The following CLDN14 variants were observed in gnomAD, a reference collection of about 807,000 sequenced individuals.
The protein encoded by CLDN14 is claudin-14.
CLDN14 carries 2 observed loss-of-function variants against 2.1 expected under a neutral mutation model. The observed-to-expected ratio is 0.96, with a 90% confidence interval of 0.39 to 3.01. CLDN14 has a LOEUF of 3.01. Ranked by LOEUF, CLDN14 falls within the 30% of genes most tolerant of loss-of-function variation. The pLI is 0.09. For synonymous variants in CLDN14, 136 were observed against 154.4 expected, an observed-to-expected ratio of 0.88 and a Z score of 0.88; for missense variants, 298 against 328.0, an observed-to-expected ratio of 0.91 and a Z score of 0.71.
intron 1 of CLDN14, among the ~76,000 whole-genome samples, chr21:36,573,989 T>G (rs2087725959): frequency 6.6e-6 from 1 of 152,202 alleles, no homozygotes; most frequent in Admixed American, 6.5e-5. Flanking sequence ...CTTAAACTTA[T>G]TCATTGGTTC....
chr21:36,524,146 A>C (rs796076942), intron 1 of CLDN14, among the ~76,000 whole-genome samples: 13 of 150,776 alleles, frequency 8.6e-5, no homozygotes, highest in African/African-American at 3.2e-4. Context: ...ACGGGGTCTC[A>C]CTTGCTCTGT....
In CLDN14 at chr21:36,544,668, C is replaced by T. The variant is rs1419285975; in HGVS notation, c.-220+31743G>A. ...AATATGCCGTGGACTTTGAAATGAA[C>T]TCTTTACACCTCCTTCCTGCTGACC... On this transcript the variant is annotated intron_variant, in intron 1 of 2. Transcript: ENST00000342108. This position sits in a 1 kb window ranked among gnomAD's most constrained non-coding sequence, Gnocchi z 4.1. Among the ~76,000 whole-genome samples, 1 of 152,180 alleles carries T rather than the reference C, an allele frequency of 6.6e-6. No homozygotes were observed. Among genetic ancestry groups the T allele is most frequent in the Non-Finnish European group, 1.5e-5 (1 of 68,032 alleles).
rs559951029 is a variant in CLDN14 at position 36,573,856 on chromosome 21, A to T, written c.-220+2555T>A. On this transcript the variant is annotated intron_variant, in intron 1 of 2. Transcript: ENST00000342108. ...TCAAATACCTAGGGATAAATCTAAT[A>T]AAATATGTATAAGACATCTACATAA... Among the ~76,000 whole-genome samples, 3 of 152,302 alleles carry T rather than the reference A, an allele frequency of 2.0e-5. No individual in the cohort carries two copies. The East Asian group carries it at 5.8e-4, about 29-fold the overall frequency.
rs778183602 is a variant in CLDN14 at position 36,486,302 on chromosome 21, T to A, written c.-82+24061A>T. 5 of 803,940 alleles carry A rather than the reference T, an allele frequency of 6.2e-6. No homozygotes were observed. In the Admixed American group the frequency reaches 7.3e-5, roughly 12 times the overall value. 49.8% of individuals were successfully genotyped at this position (803,940 alleles called of 1,614,324 possible). A position where few individuals can be genotyped will look rare whatever the true frequency, so the allele number is the denominator to read the frequency against. Reference sequence around the variant, plus strand: ...GAAGTCCGGTATGGCCAAACTCTTGTTGGCTAATGGTCATCTTCAGCAGGA... The same window carrying A: ...GAAGTCCGGTATGGCCAAACTCTTGATGGCTAATGGTCATCTTCAGCAGGA... On this transcript the variant is annotated intron_variant, in intron 2 of 2. Transcript: ENST00000342108.
upstream of CLDN14, chr21:36,480,738 C>T (rs219741): frequency 0.33 from 50,117 of 151,908 alleles, 10,045 homozygotes; most frequent in African/African-American, 0.57. Flanking sequence ...CAAGAATTTC[C>T]GCCCCTTCGT....
intron 1 of CLDN14, among the ~76,000 whole-genome samples, chr21:36,472,323 G>C (rs2086720185): frequency 6.6e-6 from 1 of 152,184 alleles, no homozygotes. Context: ...TAGCTGCGGG[G>C]TGTGAGACAC....
chr21:36,465,683 G>T (rs1601592020), intron 1 of CLDN14, among the ~76,000 whole-genome samples: 1 of 152,240 alleles, frequency 6.6e-6, no homozygotes, highest in East Asian at 1.9e-4. Context: ...ACTAGCCCAA[G>T]CCTGGCCTCC....
chr21:36,549,312 C>G (rs982030154), intron 1 of CLDN14, among the ~76,000 whole-genome samples: 4 of 152,066 alleles, frequency 2.6e-5, no homozygotes, highest in Admixed American at 2.6e-4. Flanking sequence ...CCACCCCTGC[C>G]CCCCTCCGGC....
intron 1 of CLDN14, among the ~76,000 whole-genome samples, chr21:36,564,709 G>T (rs73380062): frequency 0.013 from 1,935 of 152,346 alleles, 44 homozygotes; most frequent in African/African-American, 0.044. Context: ...GGCAGTGAAG[G>T]TTGCAGAGGG....
chr21:36,570,656 CAAT>C (rs2087703149), intron 1 of CLDN14, among the ~76,000 whole-genome samples: 1 of 152,056 alleles, frequency 6.6e-6, no homozygotes, highest in South Asian at 2.1e-4. Context: ...TTAAAACAAA[CAAT>C]AGATTGGCAT....
At chr21:36,529,743 A>G (rs1251696200) in intron 1 of CLDN14, among the ~76,000 whole-genome samples, 1 of 152,230 alleles carries the variant, frequency 6.6e-6, no homozygotes, top group Non-Finnish European at 1.5e-5. Flanking sequence ...CACATGAAGT[A>G]TGAGCTATGG....
chr21:36,518,507 G>A (rs11909629), intron 1 of CLDN14, among the ~76,000 whole-genome samples: 1 of 152,156 alleles, frequency 6.6e-6, no homozygotes, highest in Non-Finnish European at 1.5e-5. Flanking sequence ...GGCTGAGGTG[G>A]GGAGTCCCTT....
At position 36,470,435 on chromosome 21, in the gene CLDN14, C is replaced by T. The variant is rs77704788; in HGVS notation, c.-81-8659G>A. On this transcript the variant is annotated intron_variant, in intron 1 of 1. Transcript: ENST00000399135. ...TACCAAGTCAAGGAATGTGGAGGAT[C>T]GCCAGCAACCCGCGGAGAATCGCCA... 9.1e-3 allele frequency among the ~76,000 whole-genome samples: 1,386 copies of T among 151,930 alleles called. 13 individuals are homozygous for T. Among genetic ancestry groups the T allele is most frequent in the Non-Finnish European group, 0.014 (970 of 67,800 alleles).
At chr21:36,528,744 G>C (rs1568870646) in intron 1 of CLDN14, among the ~76,000 whole-genome samples, 2 of 152,234 alleles carry the variant, frequency 1.3e-5, no homozygotes, top group Non-Finnish European at 2.9e-5. Context: ...CTCAGTGAAA[G>C]AATCTGCTTG....
chr21:36,538,417 C>A (rs1048929845), intron 1 of CLDN14, among the ~76,000 whole-genome samples: 8 of 152,070 alleles, frequency 5.3e-5, no homozygotes, highest in Admixed American at 5.2e-4. Context: ...AGATCGAGAC[C>A]ATCCTGGCCA....
At chr21:36,506,428 C>T (rs531388967) in intron 2 of CLDN14, among the ~76,000 whole-genome samples, 21 of 152,218 alleles carry the variant, frequency 1.4e-4, no homozygotes, top group Admixed American at 3.9e-4. Flanking sequence ...AAAGCCCCAT[C>T]TGTACTAAAA....
chr21:36,519,313 G>A (rs1447888843), intron 1 of CLDN14, among the ~76,000 whole-genome samples: 1 of 152,172 alleles, frequency 6.6e-6, no homozygotes, highest in Non-Finnish European at 1.5e-5. Context: ...ATTCATTACT[G>A]CAACAAAAAC....
Position 36,544,128 on chromosome 21 carries a change from C to A in CLDN14, c.-220+32283G>T, listed in dbSNP as rs951951541. Among the ~76,000 whole-genome samples the A allele has an allele frequency of 6.6e-6, 1 of 152,234 alleles. No individual in the cohort carries two copies. The highest frequency in any genetic ancestry group is 1.5e-5 in the Non-Finnish European group (1 of 68,042). The stretch of plus-strand genomic sequence containing the variant: ...CCCAGGAACCCAGAAGCCACACCAG[C>A]CCTTGGCTCCCTCCAACCCAGGTTT... On this transcript the variant is annotated intron_variant, in intron 1 of 2. Transcript: ENST00000342108. This position sits in a 1 kb window ranked among gnomAD's most constrained non-coding sequence, Gnocchi z 4.1.
At chr21:36,522,186 T>G (rs1298232128) in intron 1 of CLDN14, among the ~76,000 whole-genome samples, 1 of 152,072 alleles carries the variant, frequency 6.6e-6, no homozygotes, top group African/African-American at 2.4e-5. Context: ...TCCAATATAA[T>G]CAAGGCAGCC....
Sources: gnomAD v4.1 joint callset for allele counts (sites outside exome capture counted in the v4.1 genomes callset) on GRCh38, gnomAD v4.1.1 for gene constraint, Gnocchi (gnomAD v3.1) non-coding constraint, MANE v1.5 for transcripts, NCBI Gene and HGNC (gene_info 2026-07-23, HGNC 2026-07-21) for gene names.